The following DLC1 variants were observed in gnomAD, a reference collection of about 807,000 sequenced individuals.
DLC1 encodes the protein DLC1 Rho GTPase activating protein.
DLC1 carries 54 observed loss-of-function variants against 140.3 expected under a neutral mutation model. The observed-to-expected ratio is 0.38, with a 90% confidence interval of 0.31 to 0.48. The LOEUF is 0.48. Ranked by LOEUF, DLC1 falls within the 20% of genes least tolerant of loss-of-function variation. The pLI is 0.96. For missense variants in DLC1, 2,536 were observed against 1,907.0 expected (o/e 1.33, Z -6.14); for synonymous variants, 986 against 728.1 (o/e 1.35, Z -5.70).
chr8:13,289,162 C>G (rs1293094873), intron 5 of DLC1, among the ~76,000 whole-genome samples: 1 of 152,042 alleles, frequency 6.6e-6, no homozygotes, highest in Non-Finnish European at 1.5e-5. Flanking sequence ...TCCTTCACCC[C>G]CAAATACCCT....
At chr8:13,414,881 G>T (rs936935462) in intron 2 of DLC1, among the ~76,000 whole-genome samples, 1 of 152,034 alleles carries the variant, frequency 6.6e-6, no homozygotes, top group Non-Finnish European at 1.5e-5. Flanking sequence ...CTCAATCTCG[G>T]CCCACTGCAA....
chr8:13,199,189 T>C (rs1442324980), intron 5 of DLC1, among the ~76,000 whole-genome samples: 18 of 141,646 alleles, frequency 1.3e-4, no homozygotes, highest in South Asian at 6.9e-4. Context: ...TTTTTTTTTT[T>C]TTTTTTTTTT....
intron 5 of DLC1, among the ~76,000 whole-genome samples, chr8:13,156,497 C>G (rs946458404): frequency 1.3e-5 from 2 of 152,174 alleles, no homozygotes; most frequent in Non-Finnish European, 2.9e-5. Context: ...TTCCTTCCCA[C>G]CAAAGCCTGG....
At chr8:13,138,575 G>T (rs1002944406) in intron 5 of DLC1, among the ~76,000 whole-genome samples, 29 of 152,106 alleles carry the variant, frequency 1.9e-4, no homozygotes, top group African/African-American at 7.0e-4. Flanking sequence ...ATTACAGGGG[G>T]GATAATTTTT....
At chr8:13,174,226 T>C (rs1453247609) in intron 5 of DLC1, among the ~76,000 whole-genome samples, 2 of 152,212 alleles carry the variant, frequency 1.3e-5, no homozygotes, top group African/African-American at 2.4e-5. Flanking sequence ...TACTGTTCCA[T>C]GGTGTATGTG....
rs117734626 is a variant in DLC1 at position 13,544,365 on chromosome 8, A to G, written c.-125-44169T>C. Among the ~76,000 whole-genome samples, 1,038 of 152,294 alleles carry G rather than the reference A, an allele frequency of 6.8e-3. 5 individuals are homozygous for G. The highest frequency in any genetic ancestry group is 0.01 in the Non-Finnish European group (710 of 68,026). Reference sequence around the variant, plus strand: ...CTCATATCTTATTACCTGTGGTCTTATTACTCTAATTTAAATAATACATAC... The same window carrying G: ...CTCATATCTTATTACCTGTGGTCTTGTTACTCTAATTTAAATAATACATAC... On this transcript the variant is annotated intron_variant, in intron 1 of 1. Transcript: ENST00000631382.
chr8:13,424,442 T>G (rs1200233562), intron 2 of DLC1, among the ~76,000 whole-genome samples: 1 of 151,966 alleles, frequency 6.6e-6, no homozygotes, highest in Non-Finnish European at 1.5e-5. Flanking sequence ...TGAGCAGAGA[T>G]CACGCCACTT....
chr8:13,172,787 G>C (rs76908091), intron 5 of DLC1, among the ~76,000 whole-genome samples: 18,261 of 152,162 alleles, frequency 0.12, 1,173 homozygotes, highest in South Asian at 0.19. Context: ...TCTATCAAAA[G>C]GAAAGTGGGA....
chr8:13,343,639 C>A (rs569468738), intron 4 of DLC1, among the ~76,000 whole-genome samples: 1 of 152,154 alleles, frequency 6.6e-6, no homozygotes, highest in East Asian at 1.9e-4. Flanking sequence ...TATTAAGTGA[C>A]CTGCCAAAGT....
chr8:13,311,169 C>G (rs80015445), intron 4 of DLC1, among the ~76,000 whole-genome samples: 7,718 of 152,232 alleles, frequency 0.051, 243 homozygotes, highest in South Asian at 0.12. Flanking sequence ...TCATTTAGCT[C>G]TTTCTCTGTC....
chr8:13,199,177 C>CTTTTTTTTTTTTTTTTTTTTTTTTT (rs71207132), intron 5 of DLC1, among the ~76,000 whole-genome samples: 2 of 93,288 alleles, frequency 2.1e-5, no homozygotes, highest in African/African-American at 4.2e-5. Context: ...TTCTCTTTTT[C>CTTTTTTTTTTTTTTTTTTTTTTTTT]TTTTTTTTTT....
intron 1 of DLC1, among the ~76,000 whole-genome samples, chr8:13,552,019 G>GTGTA (rs1264261302): frequency 7.2e-6 from 1 of 138,476 alleles, no homozygotes; most frequent in African/African-American, 2.7e-5. Flanking sequence ...ATATGTGTGT[G>GTGTA]TATATATATA....
intron 2 of DLC1, among the ~76,000 whole-genome samples, chr8:13,481,257 T>C (rs1800722930): frequency 6.6e-6 from 1 of 152,056 alleles, no homozygotes; most frequent in South Asian, 2.1e-4. Flanking sequence ...AAACCCCATC[T>C]CCTCAAAAAA....
At chr8:13,297,153 C>G (rs1831989058) in intron 5 of DLC1, among the ~76,000 whole-genome samples, 1 of 150,026 alleles carries the variant, frequency 6.7e-6, no homozygotes, top group Non-Finnish European at 1.5e-5. Context: ...TTTCAACAGC[C>G]CAGTCAACCA....
chr8:13,518,978 A>C (rs1802680625), upstream of DLC1, among the ~76,000 whole-genome samples: 1 of 152,032 alleles, frequency 6.6e-6, no homozygotes, highest in Non-Finnish European at 1.5e-5. Context: ...TATATTATCA[A>C]GAATTTTTTT....
chr8:13,418,214 T>C (rs1838160575), intron 2 of DLC1, among the ~76,000 whole-genome samples: 1 of 152,100 alleles, frequency 6.6e-6, no homozygotes, highest in Non-Finnish European at 1.5e-5. Context: ...AGCTCTTTAG[T>C]TTAATTAGAT....
chr8:13,406,081 A>T (rs1156844849), intron 2 of DLC1, among the ~76,000 whole-genome samples: 24 of 143,398 alleles, frequency 1.7e-4, no homozygotes, highest in African/African-American at 6.0e-4. Context: ...ATCTTGGCTC[A>T]CTGCAACCTC....
At chr8:13,192,531 C>A (rs1826820696) in intron 5 of DLC1, among the ~76,000 whole-genome samples, 1 of 152,160 alleles carries the variant, frequency 6.6e-6, no homozygotes, top group Non-Finnish European at 1.5e-5. Flanking sequence ...TCTCCCCCAG[C>A]ACTGCAAATC....
At chr8:13,303,502 T>A (rs989416075) in intron 5 of DLC1, among the ~76,000 whole-genome samples, 2 of 152,108 alleles carry the variant, frequency 1.3e-5, no homozygotes, top group African/African-American at 4.8e-5. Context: ...CTCTAATTAG[T>A]TCTTTGTTTT....
Sources: gnomAD v4.1 joint callset for allele counts (sites outside exome capture counted in the v4.1 genomes callset) on GRCh38, gnomAD v4.1.1 for gene constraint, MANE v1.5 for transcripts, NCBI Gene and HGNC (gene_info 2026-07-23, HGNC 2026-07-21) for gene names.